Variants in CAPZB observed in about 807,000 individuals in gnomAD.
CAPZB encodes capping actin protein of muscle Z-line subunit beta.
CAPZB carries 2 observed loss-of-function variants against 38.1 expected under a neutral mutation model. The ratio of observed to expected loss-of-function variants is 0.05; its 90% confidence interval spans 0.02 to 0.17. CAPZB has a LOEUF of 0.17. CAPZB is among the 10% of genes least tolerant of loss of function. The pLI is 1.00. For missense variants in CAPZB, 161 were observed against 334.2 expected (o/e 0.48, Z 4.04); for synonymous variants, 107 against 127.4 (o/e 0.84, Z 1.08).
intron 4 of CAPZB, among the ~76,000 whole-genome samples, chr1:19,367,612 G>A (rs540759851): frequency 2.0e-5 from 3 of 152,222 alleles, no homozygotes; most frequent in South Asian, 2.1e-4. Flanking sequence ...TAGGGAACAC[G>A]GCCCAGAGGC....
At chr1:19,472,294 A>C (rs2094591464) in intron 1 of CAPZB, among the ~76,000 whole-genome samples, 2 of 152,218 alleles carry the variant, frequency 1.3e-5, no homozygotes. Context: ...TGCCATCTAC[A>C]GCCTAGAGCT....
intron 1 of CAPZB, among the ~76,000 whole-genome samples, chr1:19,476,095 G>A (rs760162606): frequency 2.4e-4 from 36 of 152,188 alleles, no homozygotes; most frequent in Admixed American, 2.0e-4. Flanking sequence ...AGGTCAAGGC[G>A]GGAGGATCCC....
At chr1:19,467,710 T>G (rs558819547) in intron 1 of CAPZB, among the ~76,000 whole-genome samples, 4 of 152,356 alleles carry the variant, frequency 2.6e-5, no homozygotes, top group Middle Eastern at 3.4e-3. Context: ...ATCTGCTGCA[T>G]GCTTCCCAGT....
intron 1 of CAPZB, among the ~76,000 whole-genome samples, chr1:19,478,971 G>A (rs1320031623): frequency 6.6e-6 from 1 of 152,214 alleles, no homozygotes; most frequent in Non-Finnish European, 1.5e-5. Flanking sequence ...AGCACTTTGG[G>A]AGGCTGAGGC....
At position 19,449,444 on chromosome 1, in the gene CAPZB, C is replaced by T. The variant is rs1216933207; in HGVS notation, c.4-29694G>A. ...GTCTCAGGGTGAACCATGGTATGTC[C>T]ACTCAGTGGAACAGTACGAAACAGC... is the stretch of plus-strand genomic sequence containing the variant. On this transcript the variant is annotated intron_variant, in intron 1 of 8. Transcript: ENST00000264202. 14 of 507,348 alleles carry T rather than the reference C, an allele frequency of 2.8e-5. 1 individual carries two copies. Among genetic ancestry groups the T allele is most frequent in the Non-Finnish European group, 3.6e-5 (14 of 390,394 alleles). 31.4% of individuals were successfully genotyped at this position (507,348 alleles called of 1,614,324 possible). A position where few individuals can be genotyped will look rare whatever the true frequency, so the allele number is the denominator to read the frequency against.
At chr1:19,411,525 G>C (rs2094356861) in intron 2 of CAPZB, among the ~76,000 whole-genome samples, 1 of 152,130 alleles carries the variant, frequency 6.6e-6, no homozygotes, top group South Asian at 2.1e-4. Flanking sequence ...ATCAGTCTTT[G>C]CTCCCCAAGG....
intron 1 of CAPZB, among the ~76,000 whole-genome samples, chr1:19,435,877 G>A (rs1258880223): frequency 3.3e-5 from 5 of 152,160 alleles, no homozygotes; most frequent in Non-Finnish European, 7.4e-5. Context: ...GAAGAGGAGC[G>A]GGTTATTTAG....
chr1:19,406,307 G>A (rs934913881), intron 2 of CAPZB, among the ~76,000 whole-genome samples: 9 of 152,126 alleles, frequency 5.9e-5, no homozygotes, highest in Admixed American at 2.0e-4. Context: ...CCCTCCCCCC[G>A]GCACTACTGC....
At chr1:19,469,749 C>T (rs2094580524) in intron 1 of CAPZB, among the ~76,000 whole-genome samples, 1 of 134,914 alleles carries the variant, frequency 7.4e-6, no homozygotes, top group Non-Finnish European at 1.6e-5. Context: ...AATACACACA[C>T]ACACACACAC....
chr1:19,471,329 C>T (rs577787257), intron 1 of CAPZB, among the ~76,000 whole-genome samples: 5 of 152,178 alleles, frequency 3.3e-5, no homozygotes, highest in Non-Finnish European at 5.9e-5. Flanking sequence ...CATTTGTTTC[C>T]CTTTAGATTC....
Position 19,448,298 on chromosome 1 carries a change from C to T in CAPZB, c.4-28548G>A, listed in dbSNP as rs144567859. On this transcript the variant is annotated intron_variant, in intron 1 of 8. Coordinates refer to ENST00000264202, the MANE Select transcript of CAPZB (RefSeq NM_004930.5). Reference sequence around the variant, plus strand: ...CAGAGCTCCACTCCTGGCTGTCAACCACTGTGAATGGGACATCTCCTCTCC... The same window carrying T: ...CAGAGCTCCACTCCTGGCTGTCAACTACTGTGAATGGGACATCTCCTCTCC... 6.6e-3 allele frequency among the ~76,000 whole-genome samples: 1,005 copies of T among 152,352 alleles called. 7 individuals are homozygous for T. The highest frequency in any genetic ancestry group is 0.011 in the Non-Finnish European group (740 of 68,030).
intron 2 of CAPZB, among the ~76,000 whole-genome samples, chr1:19,416,415 A>T (rs143063072): frequency 1.1e-3 from 164 of 152,180 alleles, no homozygotes; most frequent in African/African-American, 3.5e-3. Context: ...ATAGAGTCTA[A>T]ATCATCTAAA....
At chr1:19,406,229 T>G (rs915014002) in intron 2 of CAPZB, among the ~76,000 whole-genome samples, 1 of 152,232 alleles carries the variant, frequency 6.6e-6, no homozygotes, top group African/African-American at 2.4e-5. Context: ...CACGCATCCC[T>G]TCTAAAGCTC....
At chr1:19,478,364 G>A (rs897752873) in intron 1 of CAPZB, among the ~76,000 whole-genome samples, 3 of 152,196 alleles carry the variant, frequency 2.0e-5, no homozygotes, top group African/African-American at 7.2e-5. Flanking sequence ...CACTTACAAC[G>A]TGCCAGGCAT....
At chr1:19,461,095 GC>G (rs1401798455) in intron 1 of CAPZB, among the ~76,000 whole-genome samples, 45 of 108,770 alleles carry the variant, frequency 4.1e-4, no homozygotes, top group South Asian at 1.4e-3. Context: ...CTGGGCGGGG[GC>G]GGGGGGGGGA....
intron 2 of CAPZB, among the ~76,000 whole-genome samples, chr1:19,414,089 G>C (rs951774172): frequency 6.6e-6 from 1 of 151,894 alleles, no homozygotes; most frequent in African/African-American, 2.4e-5. Context: ...ACGGAGAGCA[G>C]GTTTTTGGAA....
chr1:19,464,498 T>C (rs1208861909), intron 1 of CAPZB, among the ~76,000 whole-genome samples: 1 of 151,892 alleles, frequency 6.6e-6, no homozygotes, highest in Non-Finnish European at 1.5e-5. Context: ...TCACCGTTGT[T>C]AGCCAGGATG....
At chr1:19,433,455 A>G (rs1323554785) in intron 1 of CAPZB, among the ~76,000 whole-genome samples, 7 of 152,232 alleles carry the variant, frequency 4.6e-5, no homozygotes, top group Non-Finnish European at 7.3e-5. Flanking sequence ...CACATAAACC[A>G]AACAGATTTA....
intron 8 of CAPZB, among the ~76,000 whole-genome samples, chr1:19,344,013 C>T (rs1228557461): frequency 6.6e-6 from 1 of 152,196 alleles, no homozygotes; most frequent in Non-Finnish European, 1.5e-5. Flanking sequence ...AATGTGGTGT[C>T]ATGGCTCCCC....
Sources: gnomAD v4.1 joint callset for allele counts (sites outside exome capture counted in the v4.1 genomes callset) on GRCh38, gnomAD v4.1.1 for gene constraint, MANE v1.5 for transcripts, NCBI Gene and HGNC (gene_info 2026-07-23, HGNC 2026-07-21) for gene names.